The following BCL7C variants were observed in gnomAD, a reference collection of about 807,000 sequenced individuals.
BCL7C encodes the protein B-cell CLL/lymphoma 7 protein family member C.
A neutral mutation model predicts 26.2 loss-of-function variants in BCL7C; 8 were observed. The ratio of observed to expected loss-of-function variants is 0.30; its 90% CI spans 0.18 to 0.55. The LOEUF (loss-of-function observed/expected upper bound fraction) is 0.55, where lower values mean the gene tolerates loss of function less well. Ranked by LOEUF, BCL7C falls within the 20% of genes least tolerant of loss-of-function variation. The pLI is 0.93. For synonymous variants in BCL7C, 90 were observed against 116.5 expected (o/e 0.77, Z 1.47); for missense variants, 262 against 298.5 (o/e 0.88, Z 0.90).
At chr16:30,883,942 G>A (rs1239465684), downstream of BCL7C, among the ~76,000 whole-genome samples, 10 of 149,824 alleles carry the variant, frequency 6.7e-5, no homozygotes, top group Non-Finnish European at 1.5e-4. Flanking sequence ...TGGTTAACAC[G>A]GTGAAACCCT....
downstream of BCL7C, among the ~76,000 whole-genome samples, chr16:30,884,148 A>G (rs1157040530): frequency 6.6e-6 from 1 of 150,410 alleles, no homozygotes; most frequent in Non-Finnish European, 1.5e-5. Context: ...AGCCAGGTCA[A>G]AGAATGGGGC....
chr16:30,877,056 G>C (rs990498501), intron 5 of BCL7C, among the ~76,000 whole-genome samples: 1 of 152,144 alleles, frequency 6.6e-6, no homozygotes, highest in Admixed American at 6.5e-5. Flanking sequence ...TCAGCCATTA[G>C]CCTGGAGGCC....
At chr16:30,881,881 C>G (rs928560763) in intron 5 of BCL7C, among the ~76,000 whole-genome samples, 31 of 152,174 alleles carry the variant, frequency 2.0e-4, no homozygotes, top group African/African-American at 7.0e-4. Flanking sequence ...TCTGTGCTTG[C>G]TTTTTCCAGC....
At chr16:30,848,740 A>C (rs1424744349) in intron 5 of BCL7C, among the ~76,000 whole-genome samples, 1 of 151,964 alleles carries the variant, frequency 6.6e-6, no homozygotes, top group Non-Finnish European at 1.5e-5. Context: ...AAATACAAAA[A>C]AATTCTAGCT....
At chr16:30,857,116 C>T (rs1467654966) in intron 5 of BCL7C, among the ~76,000 whole-genome samples, 9 of 152,070 alleles carry the variant, frequency 5.9e-5, no homozygotes, top group African/African-American at 1.2e-4. Context: ...GGGCTGGGCA[C>T]GGTGGCTTAT....
chr16:30,835,148 C>G, exon 6 of BCL7C: 7 of 1,487,314 alleles, frequency 4.7e-6, no homozygotes, highest in Non-Finnish European at 6.3e-6. Flanking sequence ...ACTCCCGAAT[C>G]CTGTACGGAG....
rs758573108 is a variant in BCL7C at position 30,879,700 on chromosome 16, A to AAAAAAAAAAAAAAAAAAC, written c.528+9159_528+9160insGTTTTTTTTTTTTTTTTT. 1.6e-4 allele frequency among the ~76,000 whole-genome samples: 22 copies of AAAAAAAAAAAAAAAAAAC among 135,112 alleles called. 1 individual carries two copies. Among genetic ancestry groups the AAAAAAAAAAAAAAAAAAC allele is most frequent in the Non-Finnish European group, 2.9e-4 (17 of 59,536 alleles). 88.6% of individuals were successfully genotyped at this position (135,112 alleles called of 152,430 possible). ...ACTCCCCTTCTCTACAAAAAAAAAA[A>AAAAAAAAAAAAAAAAAAC]AAAAAAAAACTGGGCACGGTGGCTC... is the stretch of plus-strand genomic sequence containing the variant. On this transcript the variant is annotated intron_variant, in intron 5 of 5. Coordinates refer to the BCL7C transcript ENST00000380317.
intron 5 of BCL7C, among the ~76,000 whole-genome samples, chr16:30,859,560 T>A (rs915576486): frequency 2.0e-5 from 3 of 152,178 alleles, no homozygotes; most frequent in Admixed American, 6.5e-5. Flanking sequence ...GAAAATAGCC[T>A]TAACTGATGA....
At chr16:30,855,191 T>A (rs1433082745) in intron 5 of BCL7C, among the ~76,000 whole-genome samples, 1 of 152,134 alleles carries the variant, frequency 6.6e-6, no homozygotes, top group African/African-American at 2.4e-5. Flanking sequence ...ATCCAGGTCA[T>A]CAGAAGTTTC....
intron 5 of BCL7C, among the ~76,000 whole-genome samples, chr16:30,872,016 G>A (rs904263122): frequency 1.2e-4 from 19 of 152,104 alleles, no homozygotes; most frequent in African/African-American, 4.3e-4. Context: ...TCTTCTATAT[G>A]CTATAATTTC....
chr16:30,857,919 C>A (rs1238619380), intron 5 of BCL7C, among the ~76,000 whole-genome samples: 1 of 148,600 alleles, frequency 6.7e-6, no homozygotes, highest in Non-Finnish European at 1.5e-5. Flanking sequence ...TGCAGTGAGC[C>A]GAGATTGTGC....
chr16:30,854,703 C>CTATCT (rs1567311076), intron 5 of BCL7C, among the ~76,000 whole-genome samples: 5 of 70,462 alleles, frequency 7.1e-5, no homozygotes, highest in Non-Finnish European at 9.3e-5. Flanking sequence ...TCACCACTCA[C>CTATCT]TTTCTTTTTT....
chr16:30,865,913 T>G (rs1266473124), intron 5 of BCL7C, among the ~76,000 whole-genome samples: 2 of 150,976 alleles, frequency 1.3e-5, no homozygotes, highest in African/African-American at 4.9e-5. Flanking sequence ...TTTTGTATTT[T>G]TAGTAGACAC....
rs763669949 is a variant in BCL7C, at chr16:30,887,989, G to A, written c.530C>T (p.Ala177Val). 15 of 1,604,040 alleles carry A rather than the reference G, an allele frequency of 9.4e-6. No homozygotes were observed. In the South Asian group the frequency reaches 1.5e-4, roughly 16 times the overall value. The change falls in exon 6 of 6, where the codon GCC becomes GTC. Residue 177 changes from alanine to valine, a missense_variant and splice_region_variant. Ala to Val is a moderately conservative substitution (Grantham distance 64). Coordinates refer to ENST00000215115, the MANE Select transcript of BCL7C (RefSeq NM_004765.4). ...EPVPELLEAE[A>V]PEAYPVFEPV... ...CTCAAAGACAGGGTAAGCTTCGGGG[G>A]CCTGGAGAGGAAGGGTGGACAGGCG...
chr16:30,885,087 T>C (rs376402262), downstream of BCL7C, among the ~76,000 whole-genome samples: 2 of 152,192 alleles, frequency 1.3e-5, no homozygotes, highest in South Asian at 2.1e-4. Flanking sequence ...CCAGAATCTG[T>C]GCATGTGTTG....
chr16:30,869,357 T>C (rs907795701), intron 5 of BCL7C, among the ~76,000 whole-genome samples: 3 of 151,834 alleles, frequency 2.0e-5, no homozygotes, highest in African/African-American at 7.3e-5. Context: ...TACAGGCGCC[T>C]GCCACTGTGC....
At chr16:30,855,238 T>G (rs2054709669) in intron 5 of BCL7C, among the ~76,000 whole-genome samples, 1 of 151,828 alleles carries the variant, frequency 6.6e-6, no homozygotes, top group Admixed American at 6.6e-5. Flanking sequence ...TCAAATAAAT[T>G]TATTTATTTA....
chr16:30,886,836 C>T (rs1006961812), downstream of BCL7C, among the ~76,000 whole-genome samples: 4 of 152,118 alleles, frequency 2.6e-5, no homozygotes, highest in African/African-American at 9.7e-5. Flanking sequence ...GGTTGGTCAT[C>T]CCAGGCCCCC....
At chr16:30,839,806 G>A (rs2054591068) in intron 5 of BCL7C, among the ~76,000 whole-genome samples, 1 of 152,210 alleles carries the variant, frequency 6.6e-6, no homozygotes, top group South Asian at 2.1e-4. Context: ...CCATACAGTG[G>A]GACTTAGGGA....
Sources: allele counts gnomAD v4.1 joint callset (sites outside exome capture counted in the v4.1 genomes callset), GRCh38; gene constraint gnomAD v4.1.1; transcripts MANE v1.5; gene names NCBI Gene and HGNC (gene_info 2026-07-23, HGNC 2026-07-21).